The following NBAS variants were observed in gnomAD, a reference collection of about 807,000 sequenced individuals.
The protein encoded by NBAS is NBAS subunit of NRZ tethering complex.
NBAS carries 219 observed loss-of-function variants against 302.5 expected under a neutral mutation model. The ratio of observed to expected loss-of-function variants is 0.72; its 90% CI spans 0.65 to 0.81. The LOEUF is 0.81. NBAS is among the 30% of genes least tolerant of loss of function. The pLI, the probability that NBAS is intolerant of heterozygous loss-of-function variation, is 0.00. For synonymous variants in NBAS, 1,118 were observed against 1,021.6 expected (o/e 1.09, Z -1.80); for missense variants, 2,932 against 2,841.6 (o/e 1.03, Z -0.72).
chr2:15,070,931 T>C, the NBAS span, among the ~76,000 whole-genome samples: 2 of 152,124 alleles, frequency 1.3e-5, no homozygotes, highest in African/African-American at 4.8e-5. Context: ...AACCACTGAT[T>C]TGAGCTCAAA....
chr2:14,864,240 C>G, the NBAS span, among the ~76,000 whole-genome samples: 1 of 151,024 alleles, frequency 6.6e-6, no homozygotes, highest in Admixed American at 6.6e-5. Flanking sequence ...TCACTTGCAC[C>G]CAGGAGGTAG....
chr2:15,083,030 T>G, the NBAS span, among the ~76,000 whole-genome samples: 1 of 152,236 alleles, frequency 6.6e-6, no homozygotes, highest in Admixed American at 6.5e-5. Context: ...TTGGAATATT[T>G]CCATTTGCAT....
At chr2:15,280,214 T>C (rs1190465794) in intron 42 of NBAS, among the ~76,000 whole-genome samples, 1 of 152,194 alleles carries the variant, frequency 6.6e-6, no homozygotes, top group East Asian at 1.9e-4. Context: ...AAGAACATCA[T>C]GTATTGAAAG....
chr2:15,080,016 T>A, the NBAS span, among the ~76,000 whole-genome samples: 581 of 152,334 alleles, frequency 3.8e-3, 2 homozygotes, highest in African/African-American at 0.013. Flanking sequence ...AATAGCAGCC[T>A]ACAATCTGAC....
chr2:15,542,042 A>G (rs73202771), intron 6 of NBAS, among the ~76,000 whole-genome samples: 843 of 49,914 alleles, frequency 0.017, 93 homozygotes, highest in African/African-American at 0.031. Flanking sequence ...CGCCCCGTCC[A>G]GGAGGTGAGG....
At chr2:14,982,642 C>T in the NBAS span, among the ~76,000 whole-genome samples, 49 of 151,866 alleles carry the variant, frequency 3.2e-4, no homozygotes, top group African/African-American at 1.1e-3. Context: ...AAAAAAATAT[C>T]AAGAGGTATG....
At position 15,179,037 on chromosome 2, in the gene NBAS, T is replaced by C. The variant is rs1435894713; in HGVS notation, c.6791A>G (p.Asp2264Gly). 6.2e-7 allele frequency: 1 copy of C among 1,613,918 alleles called. No homozygotes were observed. Among genetic ancestry groups the C allele is most frequent in the African/African-American group, 1.3e-5 (1 of 74,860 alleles). Residue 2264 changes from aspartate (D) to glycine (G), a missense_variant, in exon 51 of 52, where the codon GAT becomes GGT. Transcript: ENST00000281513. ...CAGTGCCATCTCGTGCAGATGCTCATCTCGGCTCTCGAGGAGAAGTTTCAG... is the reference window on the plus strand; with the variant it reads ...CAGTGCCATCTCGTGCAGATGCTCACCTCGGCTCTCGAGGAGAAGTTTCAG... ...PSLKLLLESR[D>G]EHLHEMALEQ...
intron 16 of NBAS, among the ~76,000 whole-genome samples, chr2:15,469,279 G>A (rs1679854785): frequency 6.6e-6 from 1 of 152,076 alleles, no homozygotes. Flanking sequence ...CTCTAGTTCT[G>A]TAAATTGTGA....
chr2:15,374,802 A>G lies in NBAS; in HGVS notation c.3591-82T>C, dbSNP rs1674654397. On this transcript the variant is annotated intron_variant, in intron 30 of 51. Transcript: ENST00000281513. ...CTCAACACCATGAGATCTAACACAT[A>G]TTTATCAAAAATCTACCACATCCCA... The G allele has an allele frequency of 8.4e-6, 10 of 1,185,434 alleles. No homozygotes were observed. In the South Asian group the frequency reaches 1.1e-4, roughly 13 times the overall value. The allele number at this position is 1,185,434 out of a possible 1,614,324, so 73.4% of individuals were successfully genotyped here. A position where few individuals can be genotyped will look rare whatever the true frequency, so the allele number is the denominator to read the frequency against.
chr2:15,533,377 T>C (rs1379241518), intron 9 of NBAS, among the ~76,000 whole-genome samples: 1 of 152,204 alleles, frequency 6.6e-6, no homozygotes, highest in African/African-American at 2.4e-5. Context: ...CAAATTTTCA[T>C]CTATAGGAGA....
intron 21 of NBAS, among the ~76,000 whole-genome samples, chr2:15,457,162 A>G (rs1679284568): frequency 6.6e-6 from 1 of 152,196 alleles, no homozygotes. Context: ...CAAGCCTCCT[A>G]ACAGCTGGCT....
chr2:15,115,255 C>T, the NBAS span, among the ~76,000 whole-genome samples: 1 of 152,268 alleles, frequency 6.6e-6, no homozygotes, highest in South Asian at 2.1e-4. Flanking sequence ...CCCCTGCATG[C>T]CATCACAAAA....
chr2:15,295,120 C>A (rs1320877127), intron 40 of NBAS, among the ~76,000 whole-genome samples: 1 of 152,160 alleles, frequency 6.6e-6, no homozygotes, highest in African/African-American at 2.4e-5. Context: ...GGCAGAGTGG[C>A]CTACACTTCT....
intron 21 of NBAS, among the ~76,000 whole-genome samples, chr2:15,456,539 C>T (rs1023725723): frequency 1.3e-5 from 2 of 152,186 alleles, no homozygotes; most frequent in Admixed American, 1.3e-4. Context: ...CATTCGTGAA[C>T]AAGAGGCAAA....
chr2:14,874,617 A>G, the NBAS span, among the ~76,000 whole-genome samples: 2 of 150,890 alleles, frequency 1.3e-5, no homozygotes, highest in African/African-American at 4.9e-5. Flanking sequence ...TCCAGCCTGG[A>G]CGACAAAGCG....
At chr2:15,324,983 T>C (rs1480905632) in intron 38 of NBAS, among the ~76,000 whole-genome samples, 3 of 152,236 alleles carry the variant, frequency 2.0e-5, no homozygotes, top group Non-Finnish European at 2.9e-5. Flanking sequence ...AGGGCCTAAT[T>C]GCTTACATAC....
intron 22 of NBAS, among the ~76,000 whole-genome samples, chr2:15,425,472 T>C (rs575030177): frequency 6.6e-6 from 1 of 152,340 alleles, no homozygotes; most frequent in East Asian, 1.9e-4. Flanking sequence ...AACAGAGCAC[T>C]GCCTGGCACA....
intron 48 of NBAS, among the ~76,000 whole-genome samples, chr2:15,208,755 T>C (rs1306801019): frequency 2.6e-5 from 4 of 152,052 alleles, no homozygotes; most frequent in Non-Finnish European, 5.9e-5. Context: ...AAACAAATGA[T>C]AATGGAAACA....
At chr2:15,206,860 C>T (rs1486509451) in intron 48 of NBAS, among the ~76,000 whole-genome samples, 3 of 152,156 alleles carry the variant, frequency 2.0e-5, no homozygotes, top group Non-Finnish European at 4.4e-5. Flanking sequence ...CCCTGGAGGT[C>T]CAGGAAAACG....
Sources: allele counts gnomAD v4.1 joint callset (sites outside exome capture counted in the v4.1 genomes callset), GRCh38; gene constraint gnomAD v4.1.1; transcripts MANE v1.5; gene names NCBI Gene and HGNC (gene_info 2026-07-23, HGNC 2026-07-21).